GCSAM: variants seen among roughly 807,000 people sequenced by gnomAD.
The protein encoded by GCSAM is germinal center associated signaling and motility, also known as germinal center-associated signaling and motility protein.
GCSAM carries 8 observed loss-of-function variants against 17.6 expected under a neutral mutation model. The ratio of observed to expected loss-of-function variants is 0.46; its 90% confidence interval spans 0.27 to 0.82. GCSAM has a LOEUF of 0.82. Ranked by LOEUF, GCSAM falls within the 40% of genes least tolerant of loss-of-function variation. The pLI is 0.15. For synonymous variants in GCSAM, 68 were observed against 69.0 expected, an observed-to-expected ratio of 0.98 and a Z score of 0.07; for missense variants, 192 against 213.5, an observed-to-expected ratio of 0.90 and a Z score of 0.63.
rs1466364908 is a variant in GCSAM at position 112,123,539 on chromosome 3, G to C, written c.453C>G (p.Leu151=). The change falls in exon 6 of 6, where the codon CTC becomes CTG. Residue 151 remains leucine (L), a synonymous_variant. Coordinates refer to ENST00000308910, the MANE Select transcript of GCSAM (RefSeq NM_152785.5). ...ARSPEDEYEL[L]MPHRISSHFL... ...AGTGAGAGGAGATTCTGTGAGGCAT[G>C]AGAAGTTCATATTCATCTTCTGGGG... 6.2e-7 allele frequency: 1 copy of C among 1,614,210 alleles called. No homozygotes were observed.
intron 1 of GCSAM, among the ~76,000 whole-genome samples, chr3:112,131,267 G>T (rs1225702115): frequency 1.3e-5 from 2 of 152,144 alleles, no homozygotes; most frequent in East Asian, 3.9e-4. Flanking sequence ...TGGGTTTGCT[G>T]CTGGCAGGTC....
chr3:112,124,463 G>A (rs1234057526), intron 5 of GCSAM, among the ~76,000 whole-genome samples: 1 of 152,028 alleles, frequency 6.6e-6, no homozygotes, highest in Admixed American at 6.6e-5. Flanking sequence ...ACAAAAATTA[G>A]CCAGGTGTGA....
chr3:112,128,396 T>C, intron 2 of GCSAM: 3 of 435,018 alleles, frequency 6.9e-6, no homozygotes, highest in Non-Finnish European at 1.3e-5. Flanking sequence ...TACAAGTGTA[T>C]GGAAATTTTA....
intron 3 of GCSAM, among the ~76,000 whole-genome samples, chr3:112,127,787 C>T (rs1486521990): frequency 6.6e-6 from 1 of 152,170 alleles, no homozygotes; most frequent in Non-Finnish European, 1.5e-5. Context: ...CTAGTTTCAT[C>T]TTTGCTTCTG....
In GCSAM at chr3:112,122,120, A is replaced by G. The variant is rs2074212732; in HGVS notation, c.*1335T>C. On this transcript the variant is annotated 3_prime_UTR_variant, in exon 6 of 6. Transcript: ENST00000308910. ...CTCACTTATCCATTTGTGATTTAAT[A>G]TTTTTATGCCATTTTATTGGTGCTT... The G allele has an allele frequency of 6.6e-6, 1 of 152,242 alleles. No individual in the cohort carries two copies. The highest frequency in any genetic ancestry group is 1.5e-5 in the Non-Finnish European group (1 of 68,048). The allele number at this position is 152,242 out of a possible 1,614,324, so 9.4% of individuals were successfully genotyped here. A position where few individuals can be genotyped will look rare whatever the true frequency, so the allele number is the denominator to read the frequency against.
At chr3:112,124,830 C>T (rs182695788) in intron 5 of GCSAM, among the ~76,000 whole-genome samples, 365 of 152,176 alleles carry the variant, frequency 2.4e-3, no homozygotes, top group Non-Finnish European at 3.4e-3. Context: ...ATCCTGGTTC[C>T]GCCCCCTTTT....
Position 112,133,087 on chromosome 3 carries a change from C to T in GCSAM, c.29+5G>A. 2 of 1,613,630 alleles carry T rather than the reference C, an allele frequency of 1.2e-6. No homozygotes were observed. The highest frequency in any genetic ancestry group is 2.2e-5 in the South Asian group (2 of 91,078). On this transcript the variant is annotated splice_donor_5th_base_variant and intron_variant, in intron 1 of 5. Coordinates refer to ENST00000308910, the MANE Select transcript of GCSAM (RefSeq NM_152785.5). ...TCTGCTCTCCCACAGGGAGTCTAGACTTACCTGTTTTCTCTCAGCAGAGAA... is the reference window on the plus strand; with the variant it reads ...TCTGCTCTCCCACAGGGAGTCTAGATTTACCTGTTTTCTCTCAGCAGAGAA...
At position 112,130,242 on chromosome 3, in the gene GCSAM, A is replaced by G. The variant is rs2074420804; in HGVS notation, c.98+203T>C. 3 of 594,058 alleles carry G rather than the reference A, an allele frequency of 5.1e-6. No individual in the cohort carries two copies. In the East Asian group the frequency reaches 8.3e-5, roughly 16 times the overall value. The allele number at this position is 594,058 out of a possible 1,614,324, so 36.8% of individuals were successfully genotyped here. On this transcript the variant is annotated intron_variant, in intron 2 of 5. Transcript: ENST00000308910. Reference sequence around the variant, plus strand: ...CTTAGTTCCTGTTGCTAGGAGTTACATTAGGCTTCTAGCAAAGTAGCATAT... The same window carrying G: ...CTTAGTTCCTGTTGCTAGGAGTTACGTTAGGCTTCTAGCAAAGTAGCATAT...
chr3:112,124,660 TG>T (rs1218645066), intron 5 of GCSAM, among the ~76,000 whole-genome samples: 1 of 152,190 alleles, frequency 6.6e-6, no homozygotes, highest in Non-Finnish European at 1.5e-5. Context: ...TAATGTGTTT[TG>T]GCTGTGATAT....
At chr3:112,132,927 G>A (rs2074491894) in intron 1 of GCSAM, 165 bp downstream of exon 1, 3 of 631,040 alleles carry the variant, frequency 4.8e-6, no homozygotes, top group Non-Finnish European at 7.9e-6. Context: ...GAAATTTAAT[G>A]TGGTATCTGG....
rs115593061 is a variant in GCSAM, at chr3:112,126,443, A to G, written c.190+544T>C. On this transcript the variant is annotated intron_variant, in intron 4 of 5. Coordinates refer to ENST00000308910, the MANE Select transcript of GCSAM (RefSeq NM_152785.5). The stretch of plus-strand genomic sequence containing the variant: ...ATTCTTTCTCCTTAACTTCAGTGCT[A>G]TTCTATCACCAGAGACTACTGCACC... 1.6e-3 allele frequency among the ~76,000 whole-genome samples: 243 copies of G among 152,210 alleles called. 1 individual carries two copies. The highest frequency in any genetic ancestry group is 5.2e-3 in the African/African-American group (214 of 41,532).
chr3:112,127,169 G>A (rs2074344082), intron 3 of GCSAM, 136 bp from the exon 4 acceptor site: 2 of 554,844 alleles, frequency 3.6e-6, no homozygotes, highest in Non-Finnish European at 6.2e-6. Context: ...GCATAGATGA[G>A]TTAAGTAAAA....
At position 112,132,344 on chromosome 3, in the gene GCSAM, G is replaced by A. The variant is rs544192734; in HGVS notation, c.29+748C>T. ...ACCCTGTGAAGACCCCCTCTGGCTC[G>A]CTTACTCTCTCTAGATCACCCCACT... On this transcript the variant is annotated intron_variant, in intron 1 of 5. Coordinates refer to ENST00000308910, the MANE Select transcript of GCSAM (RefSeq NM_152785.5). Among the ~76,000 whole-genome samples, 12 of 152,110 alleles carry A rather than the reference G, an allele frequency of 7.9e-5. No homozygotes were observed. In the South Asian group the frequency reaches 2.5e-3, roughly 32 times the overall value.
At chr3:112,127,351 C>G (rs1001212420) in intron 3 of GCSAM, among the ~76,000 whole-genome samples, 4 of 152,066 alleles carry the variant, frequency 2.6e-5, no homozygotes, top group African/African-American at 4.8e-5. Context: ...GTATCAATTT[C>G]TTTTCTATCA....
intron 2 of GCSAM, chr3:112,129,730 C>T (rs1202190175): frequency 1.3e-5 from 2 of 152,180 alleles, no homozygotes; most frequent in African/African-American, 4.8e-5. Flanking sequence ...ATCTCTGGGT[C>T]TCCAGCCCCT....
At chr3:112,130,610 G>C in intron 1 of GCSAM, 97 bp from the exon 2 acceptor site, 1 of 1,061,296 alleles carries the variant, frequency 9.4e-7, no homozygotes, top group Non-Finnish European at 1.5e-6. Flanking sequence ...TCTGCTATTT[G>C]TGTGTAACTC....
At chr3:112,125,276 A>G (rs1274195656) in intron 4 of GCSAM, 22 bp from the exon 5 acceptor site, 1 of 1,537,236 alleles carries the variant, frequency 6.5e-7, no homozygotes. Flanking sequence ...AAATACACTC[A>G]ATGAATTTCA....
chr3:112,128,148 GA>G (rs761020165), intron 2 of GCSAM, 87 bp from the exon 3 acceptor site: 67 of 1,288,254 alleles, frequency 5.2e-5, no homozygotes, highest in Non-Finnish European at 7.2e-5. Flanking sequence ...CATTTCTGTG[GA>G]AAACTTTTTT....
intron 2 of GCSAM, chr3:112,129,380 G>A (rs1473210850): frequency 1.3e-5 from 2 of 152,180 alleles, no homozygotes; most frequent in Non-Finnish European, 2.9e-5. Flanking sequence ...GGGCAAAAAC[G>A]ATCTGTAAGC....
Sources: gnomAD v4.1 joint callset for allele counts (sites outside exome capture counted in the v4.1 genomes callset) on GRCh38, gnomAD v4.1.1 for gene constraint, MANE v1.5 for transcripts, NCBI Gene and HGNC (gene_info 2026-07-23, HGNC 2026-07-21) for gene names.